The following TENM2 variants were observed in gnomAD, a reference collection of about 807,000 sequenced individuals.
TENM2 encodes the protein teneurin transmembrane protein 2, also known as teneurin-2.
TENM2 carries 52 observed loss-of-function variants against 245.2 expected under a neutral mutation model. The ratio of observed to expected loss-of-function variants is 0.21; its 90% CI spans 0.17 to 0.27. The LOEUF (loss-of-function observed/expected upper bound fraction) is 0.27, where lower values mean the gene tolerates loss of function less well. Ranked by LOEUF, TENM2 falls within the 10% of genes least tolerant of loss-of-function variation. TENM2 has a pLI of 1.00. For missense variants in TENM2, 3,046 were observed against 3,666.8 expected (o/e 0.83, Z 4.37); for synonymous variants, 1,363 against 1,438.9 (o/e 0.95, Z 1.19).
chr5:166,988,476 A>T, the TENM2 span, among the ~76,000 whole-genome samples: 1 of 152,206 alleles, frequency 6.6e-6, no homozygotes, highest in Non-Finnish European at 1.5e-5. Context: ...CAAATTGCAG[A>T]TTGCAGGATC....
the TENM2 span, among the ~76,000 whole-genome samples, chr5:167,159,320 A>G: frequency 6.6e-6 from 1 of 152,120 alleles, no homozygotes; most frequent in Non-Finnish European, 1.5e-5. Flanking sequence ...TATTTGTTAA[A>G]TAAATTGGGT....
chr5:167,705,061 C>A (rs1422441510), intron 2 of TENM2, among the ~76,000 whole-genome samples: 3 of 152,180 alleles, frequency 2.0e-5, no homozygotes, highest in African/African-American at 7.2e-5. Flanking sequence ...GCAGGAATAA[C>A]TGAGGAGAGA....
chr5:167,216,306 G>C, the TENM2 span, among the ~76,000 whole-genome samples: 1 of 152,168 alleles, frequency 6.6e-6, no homozygotes, highest in Non-Finnish European at 1.5e-5. Flanking sequence ...TATTTATGGG[G>C]AAAGGATCAC....
At chr5:167,878,688 G>C (rs1773631692) in intron 3 of TENM2, among the ~76,000 whole-genome samples, 1 of 152,042 alleles carries the variant, frequency 6.6e-6, no homozygotes, top group African/African-American at 2.4e-5. Context: ...ATTTAAATTT[G>C]ACATAAAGGA....
chr5:167,952,725 G>T lies in TENM2; in HGVS notation c.850G>T (p.Ala284Ser). 3.1e-6 allele frequency: 5 copies of T among 1,602,926 alleles called. No individual in the cohort carries two copies. Among genetic ancestry groups the T allele is most frequent in the South Asian group, 1.1e-5 (1 of 88,900 alleles). The change falls in exon 4 of 29, where the codon GCC (alanine) becomes TCC (serine). Residue 284 changes from alanine (A) to serine (S), a missense_variant. Physicochemically the swap from Ala to Ser is moderately conservative, Grantham distance 99. Coordinates refer to ENST00000518659, the Ensembl canonical transcript of TENM2. ...GACCAATCGGCGGAGTCAGATCCAC[G>T]CCCCGGCCCCAGCGCCCAATGACCT...
At chr5:167,043,776 C>G in the TENM2 span, among the ~76,000 whole-genome samples, 1 of 152,136 alleles carries the variant, frequency 6.6e-6, no homozygotes, top group Non-Finnish European at 1.5e-5. Flanking sequence ...CTTTGGGAGG[C>G]CGAGGCGTGA....
chr5:167,303,045 G>T, intron 1 of TENM2: 1 of 152,868 alleles, frequency 6.5e-6, no homozygotes, highest in Non-Finnish European at 1.5e-5. Flanking sequence ...ATTGAAGGGT[G>T]GTGCCAAAAT....
At chr5:168,056,723 G>A (rs1412815839) in intron 6 of TENM2, among the ~76,000 whole-genome samples, 1 of 152,158 alleles carries the variant, frequency 6.6e-6, no homozygotes, top group Non-Finnish European at 1.5e-5. Flanking sequence ...GCAACTTCCA[G>A]TCCTGCAAAT....
intron 12 of TENM2, among the ~76,000 whole-genome samples, chr5:168,136,700 A>G (rs1310729402): frequency 6.6e-6 from 1 of 152,158 alleles, no homozygotes; most frequent in African/African-American, 2.4e-5. Flanking sequence ...TCCTTTTTGT[A>G]TCCTCACCTC....
intron 3 of TENM2, among the ~76,000 whole-genome samples, chr5:167,895,388 A>T (rs1024394975): frequency 2.0e-5 from 3 of 152,226 alleles, no homozygotes; most frequent in African/African-American, 7.2e-5. Flanking sequence ...TAAGTTTGTC[A>T]CTTGCTTTGG....
intron 2 of TENM2, among the ~76,000 whole-genome samples, chr5:167,494,875 T>A (rs750334617): frequency 6.6e-6 from 1 of 152,110 alleles, no homozygotes; most frequent in Non-Finnish European, 1.5e-5. Context: ...TTCAACCAAC[T>A]GCAATAATTC....
intron 7 of TENM2, among the ~76,000 whole-genome samples, chr5:168,069,959 G>A (rs17531071): frequency 0.022 from 3,353 of 152,132 alleles, 54 homozygotes; most frequent in Middle Eastern, 0.041. Context: ...TGATAAGATC[G>A]GCACATCAAA....
chr5:167,329,551 C>CAAAAAAAAAAAAAAA (rs34165505), intron 1 of TENM2, among the ~76,000 whole-genome samples: 1 of 21,936 alleles, frequency 4.6e-5, no homozygotes, highest in African/African-American at 1.8e-4. Flanking sequence ...GACTCAGTCT[C>CAAAAAAAAAAAAAAA]AAAAAAAAAA....
At chr5:167,493,303 G>A (rs1768567934) in intron 2 of TENM2, among the ~76,000 whole-genome samples, 1 of 151,978 alleles carries the variant, frequency 6.6e-6, no homozygotes, top group Non-Finnish European at 1.5e-5. Flanking sequence ...AAAAAGAACA[G>A]AAACCTTTAT....
At chr5:167,494,505 C>A (rs558946050) in intron 2 of TENM2, among the ~76,000 whole-genome samples, 1 of 152,052 alleles carries the variant, frequency 6.6e-6, no homozygotes, top group African/African-American at 2.4e-5. Flanking sequence ...ATTGCTTGCT[C>A]ATTCGTCCAT....
At chr5:168,047,288 C>T in intron 5 of TENM2, 139 bp from the exon 8 acceptor site, 2 of 881,938 alleles carry the variant, frequency 2.3e-6, no homozygotes, top group Non-Finnish European at 3.6e-6. Context: ...TTAGCTAATC[C>T]CTGTGGCCTG....
chr5:167,385,856 ATGTGTGTGTGTGTGTGTG>A lies in TENM2; in HGVS notation c.502+10411_502+10428del, dbSNP rs60407919. Among the ~76,000 whole-genome samples the A allele has an allele frequency of 4.7e-3, 655 of 139,150 alleles. 2 individuals carry two copies. Among genetic ancestry groups the A allele is most frequent in the Non-Finnish European group, 7.6e-3 (490 of 64,854 alleles). 91.3% of individuals were successfully genotyped at this position (139,150 alleles called of 152,430 possible). A position where few individuals can be genotyped will look rare whatever the true frequency, so the allele number is the denominator to read the frequency against. ...CTGAGTAGTATTCCATTATATATATATGTGTGTGTGTGTGTGTGTGTGTGTGTGTGTGTGTGTGTGTGT... is the reference window on the plus strand; with the variant it reads ...CTGAGTAGTATTCCATTATATATATATGTGTGTGTGTGTGTGTGTGTGTGT... On this transcript the variant is annotated intron_variant, in intron 2 of 28. Transcript: ENST00000518659.
chr5:167,062,641 TG>T, the TENM2 span, among the ~76,000 whole-genome samples: 17 of 152,190 alleles, frequency 1.1e-4, no homozygotes, highest in African/African-American at 3.9e-4. Flanking sequence ...TTCTAGATCC[TG>T]GGGACAGGTG....
At chr5:167,638,741 C>A (rs1427245988) in intron 2 of TENM2, among the ~76,000 whole-genome samples, 1 of 152,236 alleles carries the variant, frequency 6.6e-6, no homozygotes, top group Non-Finnish European at 1.5e-5. Flanking sequence ...ATATTACACA[C>A]AACTTCTCAT....
Sources: allele counts gnomAD v4.1 joint callset (sites outside exome capture counted in the v4.1 genomes callset), GRCh38; gene constraint gnomAD v4.1.1; transcripts MANE v1.5; gene names NCBI Gene and HGNC (gene_info 2026-07-23, HGNC 2026-07-21).